The following EPC2 variants were observed in gnomAD, a reference collection of about 807,000 sequenced individuals.
The protein encoded by EPC2 is enhancer of polycomb 2, also known as enhancer of polycomb homolog 2.
A neutral mutation model predicts 92.1 loss-of-function variants in EPC2; 14 were observed. That is an observed-to-expected ratio of 0.15 (90% CI 0.10 to 0.24). The LOEUF (loss-of-function observed/expected upper bound fraction) is 0.24. Among genes scored for constraint, EPC2 ranks in the 10% least tolerant of loss-of-function variants. The pLI is 1.00. For missense variants in EPC2, 755 were observed against 971.5 expected (o/e 0.78, Z 2.96); for synonymous variants, 340 against 334.7 (o/e 1.02, Z -0.17).
At chr2:148,729,411 C>T (rs887210788) in intron 2 of EPC2, among the ~76,000 whole-genome samples, 2 of 152,110 alleles carry the variant, frequency 1.3e-5, no homozygotes, top group African/African-American at 4.8e-5. Context: ...TACCTCTCAT[C>T]CAGTTTTAGT....
intron 1 of EPC2, among the ~76,000 whole-genome samples, chr2:148,658,691 A>G (rs1680868280): frequency 6.6e-6 from 1 of 151,306 alleles, no homozygotes; most frequent in South Asian, 2.1e-4. Context: ...GAGCTACTAG[A>G]TTGATTTCAT....
At chr2:148,713,040 C>T (rs915277201) in intron 2 of EPC2, among the ~76,000 whole-genome samples, 3 of 152,108 alleles carry the variant, frequency 2.0e-5, no homozygotes, top group African/African-American at 7.2e-5. Flanking sequence ...AAATAAATAA[C>T]AATTATTCAC....
chr2:148,710,392 C>G (rs1402046528), intron 2 of EPC2, among the ~76,000 whole-genome samples: 3 of 152,208 alleles, frequency 2.0e-5, no homozygotes, highest in Non-Finnish European at 2.9e-5. Context: ...CACTTTTACA[C>G]TGTTGGTGGG....
intron 1 of EPC2, among the ~76,000 whole-genome samples, chr2:148,686,790 G>A (rs1681536501): frequency 6.6e-6 from 1 of 152,086 alleles, no homozygotes; most frequent in African/African-American, 2.4e-5. Context: ...CTGAGCAGTA[G>A]CCCTCAACAG....
At chr2:148,699,759 G>A (rs1385209617) in intron 2 of EPC2, among the ~76,000 whole-genome samples, 2 of 152,156 alleles carry the variant, frequency 1.3e-5, no homozygotes, top group Non-Finnish European at 2.9e-5. Context: ...TATATACTTA[G>A]GAGTGCAATT....
At chr2:148,649,792 C>A (rs1680632597) in intron 1 of EPC2, among the ~76,000 whole-genome samples, 1 of 152,192 alleles carries the variant, frequency 6.6e-6, no homozygotes, top group Non-Finnish European at 1.5e-5. Flanking sequence ...ATCTTCTGAA[C>A]TGTGATTAAG....
intron 1 of EPC2, among the ~76,000 whole-genome samples, chr2:148,687,325 C>G (rs1049694594): frequency 6.6e-5 from 10 of 152,204 alleles, no homozygotes; most frequent in African/African-American, 2.4e-4. Context: ...ACATTGACCA[C>G]TGACCAGACC....
intron 1 of EPC2, among the ~76,000 whole-genome samples, chr2:148,659,059 TTACTG>T (rs1680881644): frequency 1.3e-5 from 2 of 152,044 alleles, no homozygotes; most frequent in Non-Finnish European, 2.9e-5. Context: ...AGTTATGAGT[TTACTG>T]AACTGTGATT....
intron 11 of EPC2, among the ~76,000 whole-genome samples, chr2:148,782,938 A>G (rs1683783978): frequency 1.3e-5 from 2 of 152,216 alleles, no homozygotes; most frequent in Admixed American, 1.3e-4. Flanking sequence ...TCAGGCTAGA[A>G]TCTGCCCATT....
chr2:148,682,211 AT>A (rs1681413144), intron 1 of EPC2, among the ~76,000 whole-genome samples: 1 of 152,180 alleles, frequency 6.6e-6, no homozygotes, highest in Admixed American at 6.5e-5. Context: ...TAGTAGCATG[AT>A]TTATAATCCT....
chr2:148,723,105 TG>T (rs1682416683), intron 2 of EPC2, among the ~76,000 whole-genome samples: 1 of 152,132 alleles, frequency 6.6e-6, no homozygotes, highest in Non-Finnish European at 1.5e-5. Flanking sequence ...TAAAATAGTC[TG>T]TATATCAAAC....
intron 7 of EPC2, among the ~76,000 whole-genome samples, chr2:148,767,736 A>G (rs1483066180): frequency 6.6e-6 from 1 of 152,084 alleles, no homozygotes; most frequent in Non-Finnish European, 1.5e-5. Flanking sequence ...CGTGCTTCCG[A>G]TTTTCCTAAC....
At chr2:148,677,180 T>C (rs895751141) in intron 1 of EPC2, among the ~76,000 whole-genome samples, 1 of 152,216 alleles carries the variant, frequency 6.6e-6, no homozygotes, top group African/African-American at 2.4e-5. Flanking sequence ...TTCTGGTTTT[T>C]TGGTTTGAGA....
intron 7 of EPC2, among the ~76,000 whole-genome samples, chr2:148,765,978 G>A (rs1403173787): frequency 6.6e-6 from 1 of 152,192 alleles, no homozygotes; most frequent in African/African-American, 2.4e-5. Flanking sequence ...GGAGCTTGCA[G>A]TGAGCTGAGA....
intron 1 of EPC2, among the ~76,000 whole-genome samples, chr2:148,683,886 G>A (rs1681461670): frequency 6.6e-6 from 1 of 152,160 alleles, no homozygotes; most frequent in Non-Finnish European, 1.5e-5. Flanking sequence ...TAGTTACCCG[G>A]TAGTGGGATT....
At chr2:148,645,533 G>GTGGTATTA in intron 1 of EPC2, 1 of 222,926 alleles carries the variant, frequency 4.5e-6, no homozygotes. Flanking sequence ...AATTAATGGC[G>GTGGTATTA]TGGTATTATT....
At chr2:148,662,236 A>C (rs1209181909) in intron 1 of EPC2, among the ~76,000 whole-genome samples, 1 of 152,148 alleles carries the variant, frequency 6.6e-6, no homozygotes, top group Non-Finnish European at 1.5e-5. Flanking sequence ...AAACTAGTTC[A>C]ACCATTGTGG....
intron 2 of EPC2, among the ~76,000 whole-genome samples, chr2:148,716,355 T>C (rs1347290255): frequency 1.3e-5 from 2 of 152,098 alleles, no homozygotes; most frequent in African/African-American, 4.8e-5. Context: ...ATGTTATTGG[T>C]GGGTTTGTCA....
chr2:148,707,223 T>A (rs1037902023), intron 2 of EPC2, among the ~76,000 whole-genome samples: 1 of 152,032 alleles, frequency 6.6e-6, no homozygotes, highest in Non-Finnish European at 1.5e-5. Flanking sequence ...ACAGACTTCA[T>A]ACCAACAAAG....
Sources: gnomAD v4.1 joint callset for allele counts (sites outside exome capture counted in the v4.1 genomes callset) on GRCh38, gnomAD v4.1.1 for gene constraint, MANE v1.5 for transcripts, NCBI Gene and HGNC (gene_info 2026-07-23, HGNC 2026-07-21) for gene names.